Variants in TCF7L1 observed in about 807,000 individuals in gnomAD.
TCF7L1 encodes transcription factor 7-like 1.
A neutral mutation model predicts 63.7 loss-of-function variants in TCF7L1; 18 were observed. The ratio of observed to expected loss-of-function variants is 0.28; its 90% CI spans 0.20 to 0.42. The LOEUF is 0.42. Ranked by LOEUF, TCF7L1 falls within the 10% of genes least tolerant of loss-of-function variation. TCF7L1 has a pLI of 1.00. For missense variants in TCF7L1, 654 were observed against 779.3 expected (o/e 0.84, Z 1.91); for synonymous variants, 355 against 340.9 (o/e 1.04, Z -0.46).
rs1317842397 is a variant in TCF7L1 at position 85,133,664 on chromosome 2, G to A, written c.-21G>A. 4.3e-6 allele frequency: 4 copies of A among 928,330 alleles called. No individual in the cohort carries two copies. The highest frequency in any genetic ancestry group is 5.1e-6 in the Non-Finnish European group (4 of 780,030). The allele number at this position is 928,330 out of a possible 1,614,324, so 57.5% of individuals were successfully genotyped here. ...GCGGCTAGGGGCTCCGAGAGCGGCG[G>A]CCCCGGCCCGCGGCCCCACCATGCC... On this transcript the variant is annotated 5_prime_UTR_variant, in exon 1 of 12. Coordinates refer to ENST00000282111, the MANE Select transcript of TCF7L1 (RefSeq NM_031283.3). The surrounding 1 kb of genome is among the most constrained non-coding windows in gnomAD (Gnocchi z 4.4).
In TCF7L1 at chr2:85,134,216, G is replaced by A. The variant is rs1054929147; in HGVS notation, c.314-107G>A. 1 of 1,480,072 alleles carries A rather than the reference G, an allele frequency of 6.8e-7. No homozygotes were observed. Among genetic ancestry groups the A allele is most frequent in the Non-Finnish European group, 9.0e-7 (1 of 1,113,440 alleles). The allele number at this position is 1,480,072 out of a possible 1,614,324, so 91.7% of individuals were successfully genotyped here. A position where few individuals can be genotyped will look rare whatever the true frequency, so the allele number is the denominator to read the frequency against. On this transcript the variant is annotated intron_variant, in intron 2 of 11. Coordinates refer to ENST00000282111, the MANE Select transcript of TCF7L1 (RefSeq NM_031283.3). This position sits in a 1 kb window ranked among gnomAD's most constrained non-coding sequence, Gnocchi z 5.0. ...CTTTATTGGCGGCAGCCCCCGTGGG[G>A]CGCGCGTGGGGGGCGCTGGGGTCCC...
At chr2:85,271,257 C>T (rs952419047) in intron 3 of TCF7L1, among the ~76,000 whole-genome samples, 1 of 152,094 alleles carries the variant, frequency 6.6e-6, no homozygotes, top group Admixed American at 6.5e-5. Context: ...GGATTACAGG[C>T]ACCCGCCACC....
At chr2:85,203,753 GGAAA>G (rs1054063162) in intron 3 of TCF7L1, among the ~76,000 whole-genome samples, 4 of 149,458 alleles carry the variant, frequency 2.7e-5, no homozygotes, top group Middle Eastern at 3.2e-3. Context: ...GAAAAAAAAA[GGAAA>G]GAAAGAAAGA....
At chr2:85,259,290 G>T (rs1680800904) in intron 3 of TCF7L1, among the ~76,000 whole-genome samples, 1 of 152,172 alleles carries the variant, frequency 6.6e-6, no homozygotes, top group Non-Finnish European at 1.5e-5. Context: ...AACATATTCA[G>T]ATCCTAAAGA....
intron 3 of TCF7L1, among the ~76,000 whole-genome samples, chr2:85,158,416 G>A (rs1156657545): frequency 6.6e-6 from 1 of 152,154 alleles, no homozygotes; most frequent in Non-Finnish European, 1.5e-5. Context: ...GAACTCCGAG[G>A]CCCAAACCCC....
rs1367339247 is a variant in TCF7L1 at position 85,309,373 on chromosome 2, C to A, written c.1678C>A (p.Pro560Thr). The change falls in exon 12 of 12, where the codon CCG (proline) becomes ACG (threonine). Residue 560 changes from proline to threonine, a missense_variant. Transcript: ENST00000282111. ...SMPTALLASP[P>T]SFPATLHAHQ... ...GCCCACAGCTCTGCTGGCCTCTCCC[C>A]CGTCCTTCCCCGCCACGCTCCATGC... is the stretch of plus-strand genomic sequence containing the variant. The A allele has an allele frequency of 6.2e-7, 1 of 1,604,084 alleles. No homozygotes were observed. Among genetic ancestry groups the A allele is most frequent in the Admixed American group, 1.7e-5 (1 of 59,452 alleles).
At chr2:85,185,893 C>G (rs1410587234) in intron 3 of TCF7L1, among the ~76,000 whole-genome samples, 1 of 151,216 alleles carries the variant, frequency 6.6e-6, no homozygotes, top group Non-Finnish European at 1.5e-5. Context: ...TAACTTGAGA[C>G]TTAGATCCTC....
chr2:85,259,028 A>C (rs1680792060), intron 3 of TCF7L1, among the ~76,000 whole-genome samples: 1 of 152,130 alleles, frequency 6.6e-6, no homozygotes, highest in Non-Finnish European at 1.5e-5. Flanking sequence ...ACACTCGGTG[A>C]CACCCCCACT....
At chr2:85,179,875 T>C (rs1443615785) in intron 3 of TCF7L1, among the ~76,000 whole-genome samples, 2 of 152,242 alleles carry the variant, frequency 1.3e-5, no homozygotes, top group African/African-American at 4.8e-5. Flanking sequence ...TCATCACTAT[T>C]GTTAGTTGCT....
At chr2:85,230,761 G>A (rs1324161926) in intron 3 of TCF7L1, among the ~76,000 whole-genome samples, 1 of 152,168 alleles carries the variant, frequency 6.6e-6, no homozygotes, top group East Asian at 1.9e-4. Context: ...TGCTTTCTGT[G>A]GGGCAGCCTT....
chr2:85,155,344 A>C (rs947731794), intron 3 of TCF7L1, among the ~76,000 whole-genome samples: 1 of 152,230 alleles, frequency 6.6e-6, no homozygotes, highest in South Asian at 2.1e-4. Context: ...CAGCAGCAGC[A>C]GCAACGCTCT....
chr2:85,170,845 A>G (rs777750045), intron 3 of TCF7L1, among the ~76,000 whole-genome samples: 1 of 152,196 alleles, frequency 6.6e-6, no homozygotes, highest in Non-Finnish European at 1.5e-5. Flanking sequence ...CAGAAAGACA[A>G]CAGATGGGCT....
intron 3 of TCF7L1, among the ~76,000 whole-genome samples, chr2:85,174,933 T>C (rs894810928): frequency 1.9e-4 from 29 of 152,230 alleles, no homozygotes; most frequent in African/African-American, 6.5e-4. Flanking sequence ...GACATGACCG[T>C]CTCAAAGTGT....
In TCF7L1 at chr2:85,133,923, C is replaced by G; in HGVS notation, c.239C>G (p.Ser80Trp). 1 of 1,532,926 alleles carries G rather than the reference C, an allele frequency of 6.5e-7. No individual in the cohort carries two copies. Among genetic ancestry groups the G allele is most frequent in the South Asian group, 1.2e-5 (1 of 81,012 alleles). 95.0% of individuals were successfully genotyped at this position (1,532,926 alleles called of 1,614,324 possible). A position where few individuals can be genotyped will look rare whatever the true frequency, so the allele number is the denominator to read the frequency against. ...VNESENQSSS[S>W]DSEAERRPQP... ...GAGTCGGAGAACCAGAGCAGCAGCT[C>G]GGACTCGGAGGTAAGGAAGCACCGC... Residue 80 changes from serine (S) to tryptophan (W), a missense_variant, in exon 1 of 12, where the codon TCG becomes TGG. Physicochemically the swap from Ser to Trp is radical, Grantham distance 177. Around this residue, in one of 3 missense-constraint regions of TCF7L1, gnomAD observed 404 missense variants for 454.8 expected, o/e 0.89. Coordinates refer to ENST00000282111, the MANE Select transcript of TCF7L1 (RefSeq NM_031283.3). The surrounding 1 kb of genome is among the most constrained non-coding windows in gnomAD (Gnocchi z 4.4).
chr2:85,206,576 T>A (rs557049438), intron 3 of TCF7L1, among the ~76,000 whole-genome samples: 1 of 152,198 alleles, frequency 6.6e-6, no homozygotes, highest in Non-Finnish European at 1.5e-5. Context: ...ACAGCTAGCA[T>A]GTGGCCGACA....
At chr2:85,261,370 G>C (rs1200085841) in intron 3 of TCF7L1, among the ~76,000 whole-genome samples, 1 of 152,184 alleles carries the variant, frequency 6.6e-6, no homozygotes, top group Non-Finnish European at 1.5e-5. Flanking sequence ...TTTAAAGCAG[G>C]CATTAAAAGG....
intron 3 of TCF7L1, among the ~76,000 whole-genome samples, chr2:85,142,353 G>A (rs1243551378): frequency 9.9e-5 from 15 of 151,634 alleles, no homozygotes; most frequent in African/African-American, 2.7e-4. Context: ...TGGGCATGGA[G>A]GTTGTAGTGA....
At position 85,290,069 on chromosome 2, in the gene TCF7L1, C is replaced by T. The variant is rs1273046663; in HGVS notation, c.525+6491C>T. Among the ~76,000 whole-genome samples, 6 of 151,782 alleles carry T rather than the reference C, an allele frequency of 4.0e-5. No individual in the cohort carries two copies. The South Asian group carries it at 1.2e-3, about 32-fold the overall frequency. On this transcript the variant is annotated intron_variant, in intron 4 of 11. Coordinates refer to ENST00000282111, the MANE Select transcript of TCF7L1 (RefSeq NM_031283.3). ...CTCAGCTCACTGCAACTTTCACACTCCGGGTTCAAGCAATTCTCCCTGCCT... is the reference window on the plus strand; with the variant it reads ...CTCAGCTCACTGCAACTTTCACACTTCGGGTTCAAGCAATTCTCCCTGCCT...
At chr2:85,219,937 A>C (rs1679806694) in intron 3 of TCF7L1, among the ~76,000 whole-genome samples, 1 of 152,178 alleles carries the variant, frequency 6.6e-6, no homozygotes, top group African/African-American at 2.4e-5. Flanking sequence ...TGTTTGTGTG[A>C]ATACATACAT....
Sources: allele counts gnomAD v4.1 joint callset (sites outside exome capture counted in the v4.1 genomes callset), GRCh38; gene constraint gnomAD v4.1.1; regional missense constraint gnomAD v4.1.1; non-coding constraint Gnocchi (gnomAD v3.1); transcripts MANE v1.5; gene names NCBI Gene and HGNC (gene_info 2026-07-23, HGNC 2026-07-21).